The following OTC variants were observed in gnomAD, a reference collection of about 807,000 sequenced individuals.
OTC encodes ornithine transcarbamylase, mitochondrial.
Under a neutral mutation model 30.3 loss-of-function variants are expected in OTC, and 3 were observed. The observed-to-expected ratio is 0.10, with a 90% CI of 0.05 to 0.26. OTC has a LOEUF of 0.26. Ranked by LOEUF, OTC falls within the 10% of genes least tolerant of loss-of-function variation. OTC has a pLI of 1.00. For missense variants in OTC, 194 were observed against 260.3 expected (o/e 0.75, Z 1.75); for synonymous variants, 111 against 99.7 (o/e 1.11, Z -0.67).
chrX:38,421,220 C>G lies in OTC; in HGVS notation c.*138C>G. 1 of 497,313 alleles carries G rather than the reference C, an allele frequency of 2.0e-6. No individual in the cohort carries two copies. The highest frequency in any genetic ancestry group is 3.8e-5 in the East Asian group (1 of 26,590). The allele number at this position is 497,313 out of a possible 1,213,427, so 41.0% of individuals were successfully genotyped here. On this transcript the variant is annotated 3_prime_UTR_variant, in exon 10 of 10. Transcript: ENST00000039007. ...GGGTGAACCGTATGATATGCTTTGC[C>G]ATTGTGAAACTTTCCTTAAGCCTTT...
chrX:38,404,179 A>G (rs1002263785), intron 6 of OTC, among the ~76,000 whole-genome samples: 35 of 111,202 alleles, frequency 3.1e-4, no homozygotes, highest in African/African-American at 1.0e-3. Context: ...GATCACAGTG[A>G]TGGCATCTAC....
At chrX:38,346,258 T>A in the OTC span, among the ~76,000 whole-genome samples, 1 of 112,437 alleles carries the variant, frequency 8.9e-6, no homozygotes, top group African/African-American at 3.2e-5. Context: ...CAATTTGTAC[T>A]ACATAACTGT....
chrX:38,356,609 C>T (rs770214363), intron 1 of OTC, among the ~76,000 whole-genome samples: 1 of 111,543 alleles, frequency 9.0e-6, no homozygotes, highest in Non-Finnish European at 1.9e-5. Context: ...CGAACTTCCC[C>T]AAGGCCCCAC....
At position 38,401,541 on chromosome X, in the gene OTC, C is replaced by T. The variant is rs2068488318; in HGVS notation, c.540+113C>T. ...TTGGTGTTTTATTTTCAAATACCAG[C>T]TTGACAAAGAATTACAGCTTGTGTG... On this transcript the variant is annotated intron_variant, in intron 5 of 9. Transcript: ENST00000039007. 2.0e-5 allele frequency: 12 copies of T among 609,603 alleles called. No homozygotes were observed. The South Asian group carries it at 2.7e-4, about 14-fold the overall frequency. 50.2% of individuals were successfully genotyped at this position (609,603 alleles called of 1,213,427 possible).
At chrX:38,399,506 T>TG (rs2068473654) in intron 4 of OTC, among the ~76,000 whole-genome samples, 1 of 111,101 alleles carries the variant, frequency 9.0e-6, no homozygotes, top group African/African-American at 3.3e-5. Flanking sequence ...CCCAGCACTT[T>TG]GGGGGGCCGA....
chrX:38,421,273 G>T lies in OTC; in HGVS notation c.*191G>T. 1 of 418,240 alleles carries T rather than the reference G, an allele frequency of 2.4e-6. No individual in the cohort carries two copies. The highest frequency in any genetic ancestry group is 3.4e-5 in the South Asian group (1 of 29,265). The allele number at this position is 418,240 out of a possible 1,213,427, so 34.5% of individuals were successfully genotyped here. On this transcript the variant is annotated 3_prime_UTR_variant, in exon 10 of 10. Transcript: ENST00000039007. The stretch of plus-strand genomic sequence containing the variant: ...TTTAAGTGCTGATGCACTGTAATAC[G>T]TGCTTAACTTTGCTTAAACTCTCTA...
At chrX:38,361,291 C>T (rs2068270368) in intron 1 of OTC, among the ~76,000 whole-genome samples, 1 of 94,407 alleles carries the variant, frequency 1.1e-5, no homozygotes, top group South Asian at 4.6e-4. Context: ...GGCGACAGAG[C>T]GAGACTCCGT....
intron 1 of OTC, among the ~76,000 whole-genome samples, chrX:38,355,979 C>T (rs1223705337): frequency 2.0e-5 from 2 of 100,332 alleles, no homozygotes; most frequent in African/African-American, 7.5e-5. Context: ...ACCTGGGAGG[C>T]GGAGGTTGCA....
intron 4 of OTC, among the ~76,000 whole-genome samples, chrX:38,384,570 G>C (rs778319620): frequency 1.8e-5 from 2 of 111,955 alleles, no homozygotes; most frequent in Non-Finnish European, 3.8e-5. Context: ...CTCAGCAATC[G>C]CTTCCTTTGC....
upstream of OTC, among the ~76,000 whole-genome samples, chrX:38,348,575 C>T (rs1214750222): frequency 1.0e-5 from 1 of 95,832 alleles, no homozygotes; most frequent in African/African-American, 3.9e-5. Flanking sequence ...CTTGCTCAGT[C>T]GCTCAGGATG....
chrX:38,393,232 C>T (rs1172671182), intron 4 of OTC, among the ~76,000 whole-genome samples: 1 of 112,404 alleles, frequency 8.9e-6, no homozygotes, highest in Non-Finnish European at 1.9e-5. Flanking sequence ...TAATGAAATG[C>T]TTTTAAACAT....
At chrX:38,383,744 G>C (rs1009947086) in intron 4 of OTC, among the ~76,000 whole-genome samples, 4 of 108,590 alleles carry the variant, frequency 3.7e-5, no homozygotes, top group African/African-American at 1.4e-4. Flanking sequence ...GTTGCAGTGA[G>C]CCGAGATAGC....
chrX:38,334,842 G>A, the OTC span, among the ~76,000 whole-genome samples: 6 of 111,687 alleles, frequency 5.4e-5, no homozygotes, highest in Non-Finnish European at 9.4e-5. Context: ...CACACGGCAG[G>A]AGGTGAGCAG....
intron 4 of OTC, among the ~76,000 whole-genome samples, chrX:38,398,192 T>C (rs1209381578): frequency 5.4e-5 from 6 of 112,128 alleles, no homozygotes; most frequent in Admixed American, 4.7e-4. Flanking sequence ...GTACAGGTCG[T>C]TGACTTCTCC....
chrX:38,421,789 T>G (rs887364814), downstream of OTC, among the ~76,000 whole-genome samples: 5 of 111,382 alleles, frequency 4.5e-5, no homozygotes, highest in African/African-American at 1.6e-4. Context: ...ATACCTAGAG[T>G]AGCATTTTCT....
At chrX:38,404,588 A>G (rs2068506969) in intron 6 of OTC, among the ~76,000 whole-genome samples, 1 of 111,976 alleles carries the variant, frequency 8.9e-6, no homozygotes, top group African/African-American at 3.2e-5. Context: ...TTTCACATGG[A>G]AAAATAAATG....
chrX:38,386,234 G>A (rs1210519973), intron 4 of OTC, among the ~76,000 whole-genome samples: 13 of 106,974 alleles, frequency 1.2e-4, no homozygotes, highest in African/African-American at 1.4e-4. Flanking sequence ...TTAGCCAGGC[G>A]TGGTGGCGTG....
chrX:38,352,469 CA>C (rs1198683200), upstream of OTC: 126 of 377,782 alleles, frequency 3.3e-4, no homozygotes, highest in East Asian at 3.2e-4. Flanking sequence ...GGATTTCTTC[CA>C]AAAAAAATAC....
the OTC span, among the ~76,000 whole-genome samples, chrX:38,340,473 G>GTTTTTTTTTTTTTTTT: frequency 7.8e-4 from 44 of 56,101 alleles, no homozygotes; most frequent in African/African-American, 1.1e-3. Flanking sequence ...TTTTTTTTTT[G>GTTTTTTTTTTTTTTTT]TTTTTTTTTT....
Sources: allele counts gnomAD v4.1 joint callset (sites outside exome capture counted in the v4.1 genomes callset), GRCh38; gene constraint gnomAD v4.1.1; transcripts MANE v1.5; gene names NCBI Gene and HGNC (gene_info 2026-07-23, HGNC 2026-07-21).